The following NRXN1 variants were observed in gnomAD, a reference collection of about 807,000 sequenced individuals.
NRXN1 encodes neurexin-1.
A neutral mutation model predicts 150.9 loss-of-function variants in NRXN1; 39 were observed. The ratio of observed to expected loss-of-function variants is 0.26; its 90% CI spans 0.20 to 0.34. The LOEUF is 0.34. Among genes scored for constraint, NRXN1 ranks in the 10% least tolerant of loss-of-function variants. The pLI is 1.00. For synonymous variants in NRXN1, 924 were observed against 757.0 expected, an observed-to-expected ratio of 1.22 and a Z score of -3.62; for missense variants, 1,815 against 1,949.9, an observed-to-expected ratio of 0.93 and a Z score of 1.30.
intron 21 of NRXN1, among the ~76,000 whole-genome samples, chr2:49,964,780 G>A (rs1042229940): frequency 2.0e-5 from 3 of 152,172 alleles, no homozygotes; most frequent in East Asian, 1.9e-4. Context: ...GGTGGAGGTT[G>A]CAGTGAACCA....
At chr2:50,813,778 C>T (rs907981107) in intron 5 of NRXN1, among the ~76,000 whole-genome samples, 12 of 152,196 alleles carry the variant, frequency 7.9e-5, no homozygotes, top group African/African-American at 2.4e-4. Context: ...TCCATCTTCC[C>T]GCCACAATCT....
At chr2:50,313,463 T>G (rs1411652097) in intron 17 of NRXN1, among the ~76,000 whole-genome samples, 2 of 152,120 alleles carry the variant, frequency 1.3e-5, no homozygotes, top group African/African-American at 2.4e-5. Flanking sequence ...TCAAGCAGTC[T>G]CCCTGCCATG....
intron 17 of NRXN1, among the ~76,000 whole-genome samples, chr2:50,277,226 G>C (rs2070611087): frequency 6.6e-6 from 1 of 152,148 alleles, no homozygotes; most frequent in African/African-American, 2.4e-5. Flanking sequence ...CGCCTGTTAA[G>C]AATCCTATTA....
chr2:50,464,998 G>C (rs923017445), intron 17 of NRXN1, among the ~76,000 whole-genome samples: 3 of 151,774 alleles, frequency 2.0e-5, no homozygotes, highest in African/African-American at 7.3e-5. Flanking sequence ...TTTTTTAAAA[G>C]TAAAAGGCAG....
At chr2:50,475,627 G>A (rs6545173) in intron 15 of NRXN1, among the ~76,000 whole-genome samples, 1 of 151,916 alleles carries the variant, frequency 6.6e-6, no homozygotes, top group Non-Finnish European at 1.5e-5. Context: ...TTCAAACATA[G>A]CAAGGTAGAC....
chr2:50,809,936 G>A (rs1232311867), intron 5 of NRXN1, among the ~76,000 whole-genome samples: 3 of 152,130 alleles, frequency 2.0e-5, no homozygotes, highest in African/African-American at 7.2e-5. Context: ...ATACCATTGT[G>A]TTTATTCACT....
chr2:49,983,052 T>C (rs1386888542), intron 21 of NRXN1, among the ~76,000 whole-genome samples: 1 of 152,206 alleles, frequency 6.6e-6, no homozygotes. Context: ...CATTGTTTTG[T>C]ACTAAGCTCA....
intron 5 of NRXN1, among the ~76,000 whole-genome samples, chr2:50,816,457 T>G (rs552703381): frequency 6.6e-5 from 10 of 152,266 alleles, no homozygotes; most frequent in Middle Eastern, 3.4e-3. Context: ...ATCTTGAAGC[T>G]ATCTTGTGTG....
chr2:50,926,465 T>C (rs915579671), intron 2 of NRXN1, among the ~76,000 whole-genome samples: 1 of 151,986 alleles, frequency 6.6e-6, no homozygotes, highest in Non-Finnish European at 1.5e-5. Flanking sequence ...AATACCTCAA[T>C]TGCTTTCCTT....
At chr2:50,290,276 C>T (rs1028070267) in intron 17 of NRXN1, among the ~76,000 whole-genome samples, 7 of 152,110 alleles carry the variant, frequency 4.6e-5, no homozygotes, top group South Asian at 2.1e-4. Flanking sequence ...CCCAATACTT[C>T]GCCTGAAATT....
intron 21 of NRXN1, among the ~76,000 whole-genome samples, chr2:49,996,811 T>C (rs1298764305): frequency 1.3e-5 from 2 of 152,184 alleles, no homozygotes; most frequent in Admixed American, 6.5e-5. Context: ...GTAAGCAAAT[T>C]TATTTGTGCT....
chr2:50,025,353 A>G (rs1439557923), intron 21 of NRXN1, among the ~76,000 whole-genome samples: 1 of 152,210 alleles, frequency 6.6e-6, no homozygotes, highest in Non-Finnish European at 1.5e-5. Context: ...AGGTAGAGAA[A>G]TGAAATTTTA....
At chr2:50,176,729 A>T (rs1282653449) in intron 18 of NRXN1, among the ~76,000 whole-genome samples, 1 of 152,152 alleles carries the variant, frequency 6.6e-6, no homozygotes, top group African/African-American at 2.4e-5. Flanking sequence ...TAACATTGAG[A>T]AAACATCACT....
intron 2 of NRXN1, among the ~76,000 whole-genome samples, chr2:50,978,842 G>T (rs1387802346): frequency 1.3e-5 from 2 of 152,000 alleles, no homozygotes; most frequent in South Asian, 2.1e-4. Flanking sequence ...TCCTTAATAT[G>T]TGTGAACTTG....
chr2:50,830,901 A>C (rs531611927), intron 5 of NRXN1, among the ~76,000 whole-genome samples: 12 of 152,082 alleles, frequency 7.9e-5, no homozygotes, highest in Non-Finnish European at 1.8e-4. Flanking sequence ...AAAGACATGC[A>C]CTAAAGTGTT....
intron 17 of NRXN1, among the ~76,000 whole-genome samples, chr2:50,277,840 C>G (rs2070759880): frequency 6.6e-6 from 1 of 151,858 alleles, no homozygotes; most frequent in Non-Finnish European, 1.5e-5. Context: ...ATGCACCCTT[C>G]AAATTGCTTC....
chr2:50,714,256 G>A (rs1393029254), intron 5 of NRXN1, among the ~76,000 whole-genome samples: 1 of 152,072 alleles, frequency 6.6e-6, no homozygotes, highest in Non-Finnish European at 1.5e-5. Flanking sequence ...TTAATCCTCT[G>A]GAAGTTGCAA....
intron 17 of NRXN1, among the ~76,000 whole-genome samples, chr2:50,309,847 A>G (rs1014872990): frequency 6.0e-5 from 9 of 149,424 alleles, no homozygotes; most frequent in Non-Finnish European, 1.3e-4. Flanking sequence ...GAAGCAGAGA[A>G]ACTAAAAAAA....
chr2:49,947,871 T>A (rs187099524), intron 21 of NRXN1, among the ~76,000 whole-genome samples: 3 of 152,194 alleles, frequency 2.0e-5, no homozygotes, highest in African/African-American at 7.2e-5. Context: ...GGGACAACAC[T>A]GTAAATGTTT....
Sources: gnomAD v4.1 joint callset for allele counts (sites outside exome capture counted in the v4.1 genomes callset) on GRCh38, gnomAD v4.1.1 for gene constraint, MANE v1.5 for transcripts, NCBI Gene and HGNC (gene_info 2026-07-23, HGNC 2026-07-21) for gene names.